Variants in MALT1 observed in about 807,000 individuals in gnomAD.
MALT1 encodes MALT1 paracaspase, also known as mucosa-associated lymphoid tissue lymphoma translocation protein 1.
A neutral mutation model predicts 85.5 loss-of-function variants in MALT1; 36 were observed. That is an observed-to-expected ratio of 0.42 (90% CI 0.32 to 0.56). The LOEUF (loss-of-function observed/expected upper bound fraction) is 0.56, where lower values mean the gene tolerates loss of function less well. Among genes scored for constraint, MALT1 ranks in the 20% least tolerant of loss-of-function variants. MALT1 has a pLI of 0.10. For synonymous variants in MALT1, 359 were observed against 361.3 expected (o/e 0.99, Z 0.07); for missense variants, 716 against 981.6 (o/e 0.73, Z 3.62).
intron 1 of MALT1, among the ~76,000 whole-genome samples, chr18:58,679,036 T>G (rs182548366): frequency 4.5e-4 from 69 of 152,324 alleles, no homozygotes; most frequent in African/African-American, 1.6e-3. Flanking sequence ...TTGGGAAAGT[T>G]TTTCTGTCGT....
intron 9 of MALT1, among the ~76,000 whole-genome samples, chr18:58,719,295 A>G (rs1473408570): frequency 2.7e-5 from 4 of 150,564 alleles, no homozygotes; most frequent in African/African-American, 9.9e-5. Flanking sequence ...AAAGACTGTG[A>G]AGACTGAAAA....
Position 58,717,653 on chromosome 18 carries a change from C to T in MALT1, c.1018+1686C>T, listed in dbSNP as rs148718453. 1.4e-3 allele frequency among the ~76,000 whole-genome samples: 213 copies of T among 147,796 alleles called. 1 individual carries two copies. Among genetic ancestry groups the T allele is most frequent in the African/African-American group, 5.1e-3 (202 of 39,940 alleles). ...CCCAGCTACTCGGGAAGCTGAGGCACGAGAATCACTTGAACCCAGGAGGCG... is the reference window on the plus strand; with the variant it reads ...CCCAGCTACTCGGGAAGCTGAGGCATGAGAATCACTTGAACCCAGGAGGCG... On this transcript the variant is annotated intron_variant, in intron 9 of 16. Coordinates refer to ENST00000649217, the MANE Select transcript of MALT1 (RefSeq NM_006785.4).
At chr18:58,691,244 CTATCCTTACCCCTATCTCCA>C in intron 2 of MALT1, 2 of 377,982 alleles carry the variant, frequency 5.3e-6, no homozygotes, top group South Asian at 4.4e-5. Context: ...TCTGGGAGGG[CTATCCTTACCCCTATCTCCA>C]TATCCTGCAC....
intron 2 of MALT1, among the ~76,000 whole-genome samples, chr18:58,687,947 CT>C (rs1365409869): frequency 3.9e-5 from 6 of 152,254 alleles, no homozygotes; most frequent in South Asian, 2.1e-4. Context: ...ACTTCTCTGA[CT>C]TCTTTGTAGA....
At chr18:58,722,981 C>G (rs1602322881) in intron 9 of MALT1, 67 bp from the exon 10 acceptor site, 1 of 989,964 alleles carries the variant, frequency 1.0e-6, no homozygotes, top group South Asian at 1.5e-5. Context: ...ATTATAATAC[C>G]ATCTCCATAG....
intron 1 of MALT1, among the ~76,000 whole-genome samples, chr18:58,679,601 T>G (rs2054290568): frequency 6.6e-6 from 1 of 152,222 alleles, no homozygotes; most frequent in African/African-American, 2.4e-5. Context: ...TCGCCCAAGC[T>G]GGAGTGCAGT....
chr18:58,716,071 C>A, intron 9 of MALT1, 104 bp downstream of exon 9: 1 of 787,398 alleles, frequency 1.3e-6, no homozygotes, highest in Non-Finnish European at 2.1e-6. Context: ...ATGTGAATAA[C>A]ATTGGGACCA....
intron 2 of MALT1, among the ~76,000 whole-genome samples, chr18:58,685,942 CA>C (rs1412964170): frequency 6.6e-6 from 1 of 151,976 alleles, no homozygotes; most frequent in Admixed American, 6.6e-5. Context: ...ATTTAAGTTT[CA>C]AAGACTGATT....
intron 16 of MALT1, among the ~76,000 whole-genome samples, chr18:58,746,468 A>T (rs2055368639): frequency 6.6e-6 from 1 of 152,182 alleles, no homozygotes; most frequent in African/African-American, 2.4e-5. Context: ...TGAGTGTTCT[A>T]ATGAAAGCTT....
At chr18:58,690,761 GC>G in intron 2 of MALT1, 1 of 203,114 alleles carries the variant, frequency 4.9e-6, no homozygotes. Context: ...TGTCAAGCAG[GC>G]CCTCTGGCTT....
At chr18:58,723,394 C>A in intron 10 of MALT1, 143 bp downstream of exon 10, 1 of 560,072 alleles carries the variant, frequency 1.8e-6, no homozygotes, top group Non-Finnish European at 3.1e-6. Context: ...TAAGATGATA[C>A]ATTTGATCTT....
rs2055414955 is a variant in MALT1 at position 58,749,262 on chromosome 18, TCACA to T, written c.*1425_*1428del. The T allele has an allele frequency of 4.6e-6, 1 of 216,836 alleles. No homozygotes were observed. The allele number at this position is 216,836 out of a possible 1,614,324, so 13.4% of individuals were successfully genotyped here. On this transcript the variant is annotated 3_prime_UTR_variant, in exon 17 of 17. Transcript: ENST00000649217. ...ATATGTGTGTATACATATGTTTATC[TCACA>T]CACATTATGAGCTTGAATTCTTAAT...
chr18:58,730,715 A>G (rs1742356562), intron 10 of MALT1, among the ~76,000 whole-genome samples: 1 of 152,218 alleles, frequency 6.6e-6, no homozygotes, highest in Admixed American at 6.5e-5. Context: ...AACTCTTTCC[A>G]AAGTTCTTAC....
chr18:58,749,960 C>T lies in MALT1; in HGVS notation c.*2118C>T. 4.8e-6 allele frequency: 1 copy of T among 207,702 alleles called. No homozygotes were observed. Among genetic ancestry groups the T allele is most frequent in the Non-Finnish European group, 9.8e-6 (1 of 101,898 alleles). 12.9% of individuals were successfully genotyped at this position (207,702 alleles called of 1,614,324 possible). A position where few individuals can be genotyped will look rare whatever the true frequency, so the allele number is the denominator to read the frequency against. On this transcript the variant is annotated 3_prime_UTR_variant, in exon 17 of 17. Coordinates refer to ENST00000649217, the MANE Select transcript of MALT1 (RefSeq NM_006785.4). ...TTCAGCATTGTACTTGAAGTTCTAG[C>T]CACAGCAGTTAGGTTAGGAATTCAA... is the stretch of plus-strand genomic sequence containing the variant.
intron 10 of MALT1, among the ~76,000 whole-genome samples, chr18:58,726,338 G>A (rs1449298894): frequency 6.6e-6 from 1 of 152,206 alleles, no homozygotes; most frequent in Non-Finnish European, 1.5e-5. Flanking sequence ...CTAAATGTAA[G>A]TGTGGTAGAG....
intron 2 of MALT1, 62 bp downstream of exon 2, chr18:58,681,398 T>C (rs1165072024): frequency 1.1e-5 from 16 of 1,485,654 alleles, no homozygotes; most frequent in Middle Eastern, 1.8e-4. Context: ...GAAGAAATTA[T>C]CTCTTTTGAC....
intron 2 of MALT1, among the ~76,000 whole-genome samples, chr18:58,683,940 A>T (rs2054359692): frequency 6.6e-6 from 1 of 151,954 alleles, no homozygotes; most frequent in Admixed American, 6.6e-5. Context: ...TTGTTTTTTA[A>T]ATTTTTTGTG....
intron 4 of MALT1, among the ~76,000 whole-genome samples, chr18:58,702,667 C>T (rs993860728): frequency 2.6e-5 from 4 of 152,152 alleles, no homozygotes; most frequent in East Asian, 1.9e-4. Flanking sequence ...TTCCATAATG[C>T]GTATTTTTCT....
chr18:58,671,796 C>G lies in MALT1; in HGVS notation c.153C>G (p.Gly51=). ...AGCTCCTGGATCAGGCGCCCGAGGG[C>G]CGGGGCTGGAGGAGACTGGCGGAGC... ...LSELLDQAPE[G]RGWRRLAELA... The change falls in exon 1 of 17, where the codon GGC becomes GGG. Residue 51 remains glycine (G), a synonymous_variant. Coordinates refer to ENST00000649217, the MANE Select transcript of MALT1 (RefSeq NM_006785.4). 8.0e-7 allele frequency: 1 copy of G among 1,250,674 alleles called. No individual in the cohort carries two copies. Among genetic ancestry groups the G allele is most frequent in the Non-Finnish European group, 1.0e-6 (1 of 998,664 alleles). The allele number at this position is 1,250,674 out of a possible 1,614,324, so 77.5% of individuals were successfully genotyped here.
Sources: allele counts gnomAD v4.1 joint callset (sites outside exome capture counted in the v4.1 genomes callset), GRCh38; gene constraint gnomAD v4.1.1; transcripts MANE v1.5; gene names NCBI Gene and HGNC (gene_info 2026-07-23, HGNC 2026-07-21).